Variants in TPR observed in about 807,000 individuals in gnomAD.
TPR encodes the protein translocated promoter region, nuclear basket protein.
TPR carries 51 observed loss-of-function variants against 316.1 expected under a neutral mutation model. That is an observed-to-expected ratio of 0.16 (90% CI 0.13 to 0.20). The LOEUF (loss-of-function observed/expected upper bound fraction) is 0.20. TPR is among the 10% of genes least tolerant of loss of function. TPR has a pLI of 1.00. For synonymous variants in TPR, 981 were observed against 914.7 expected (o/e 1.07, Z -1.31); for missense variants, 2,272 against 2,754.8 (o/e 0.82, Z 3.92).
At chr1:186,351,533 T>G (rs1268925707) in intron 19 of TPR, 63 bp from the exon 20 acceptor site, 1 of 1,483,186 alleles carries the variant, frequency 6.7e-7, no homozygotes, top group East Asian at 2.4e-5. Flanking sequence ...AAATAAAAAT[T>G]GAAGGCAAGA....
intron 20 of TPR, among the ~76,000 whole-genome samples, chr1:186,350,851 A>G (rs1457863343): frequency 6.6e-6 from 1 of 152,204 alleles, no homozygotes; most frequent in Non-Finnish European, 1.5e-5. Context: ...TACCCCAGAC[A>G]GGGGAAGAAT....
At chr1:186,320,173 C>T (rs1460523373) in intron 46 of TPR, 139 bp downstream of exon 46, 2 of 712,020 alleles carry the variant, frequency 2.8e-6, no homozygotes, top group Non-Finnish European at 4.4e-6. Context: ...TATACTACAG[C>T]ATTTAAAAAA....
intron 22 of TPR, among the ~76,000 whole-genome samples, 183 bp downstream of exon 22, chr1:186,347,108 TG>T (rs1341386061): frequency 6.6e-6 from 1 of 152,206 alleles, no homozygotes; most frequent in East Asian, 1.9e-4. Flanking sequence ...ATAACCTCCT[TG>T]CTTCATGAAT....
At position 186,344,432 on chromosome 1, in the gene TPR, T is replaced by C. The variant is rs1181366066; in HGVS notation, c.3360A>G (p.Ala1120=). The C allele has an allele frequency of 6.2e-7, 1 of 1,614,180 alleles. No homozygotes were observed. The highest frequency in any genetic ancestry group is 1.1e-5 in the South Asian group (1 of 91,074). The change falls in exon 25 of 51, where the codon GCA becomes GCG. Residue 1120 remains alanine, a synonymous_variant. Transcript: ENST00000367478. ...RQHLEETTQK[A]ESQLLECKAS... ...CTTTACACTCCAACAACTGTGATTC[T>C]GCTTTCTGTGTTGTTTCTTCCAAAT...
At chr1:186,363,206 A>G in intron 5 of TPR, 136 bp downstream of exon 5, 1 of 964,962 alleles carries the variant, frequency 1.0e-6, no homozygotes, top group Non-Finnish European at 1.5e-6. Flanking sequence ...GAATTGTCCT[A>G]ATGCTTAATT....
chr1:186,332,289 T>A lies in TPR; in HGVS notation c.5510A>T (p.Asp1837Val). 3 of 1,612,916 alleles carry A rather than the reference T, an allele frequency of 1.9e-6. No homozygotes were observed. Among genetic ancestry groups the A allele is most frequent in the Non-Finnish European group, 1.7e-6 (2 of 1,179,364 alleles). ...LPKRTREEEEDSTIEASDQVS... is the reference protein window; with the variant it reads ...LPKRTREEEEVSTIEASDQVS... Reference sequence around the variant, plus strand: ...TTGGTCTGATGCTTCTATGGTGCTATCCTCTTCCTCTTCACGTGTACGCTT... The same window carrying A: ...TTGGTCTGATGCTTCTATGGTGCTAACCTCTTCCTCTTCACGTGTACGCTT... Residue 1837 changes from aspartate to valine, a missense_variant, in exon 38 of 51, where the codon GAT (aspartate) becomes GTT (valine). Coordinates refer to ENST00000367478, the MANE Select transcript of TPR (RefSeq NM_003292.3).
chr1:186,322,809 A>T, intron 43 of TPR: 2 of 516,902 alleles, frequency 3.9e-6, no homozygotes, highest in Middle Eastern at 5.3e-4. Context: ...TCTATTAACC[A>T]ACAGACCAAT....
chr1:186,365,535 T>C (rs1418010146), intron 4 of TPR, among the ~76,000 whole-genome samples: 2 of 152,142 alleles, frequency 1.3e-5, no homozygotes, highest in Non-Finnish European at 2.9e-5. Context: ...TCAGGAGTCA[T>C]AAGGACCTTT....
intron 38 of TPR, 81 bp from the exon 39 acceptor site, chr1:186,331,662 G>GA (rs1324477805): frequency 8.3e-6 from 7 of 848,460 alleles, no homozygotes; most frequent in Non-Finnish European, 1.2e-5. Flanking sequence ...TCTCTCATTT[G>GA]AAAAAACCCT....
chr1:186,366,873 C>T (rs1047166930), intron 4 of TPR, among the ~76,000 whole-genome samples: 2 of 151,648 alleles, frequency 1.3e-5, no homozygotes, highest in Non-Finnish European at 1.5e-5. Context: ...TTTATGAATT[C>T]GTTTAGTTGT....
chr1:186,354,542 A>G (rs966344428), intron 17 of TPR, among the ~76,000 whole-genome samples: 16 of 152,206 alleles, frequency 1.1e-4, no homozygotes, highest in African/African-American at 1.9e-4. Flanking sequence ...TATTAGATGT[A>G]TAGGGGTAAC....
chr1:186,344,654 A>G, intron 24 of TPR, 76 bp from the exon 25 acceptor site: 1 of 1,106,026 alleles, frequency 9.0e-7, no homozygotes, highest in Non-Finnish European at 1.2e-6. Flanking sequence ...CCAAAGATAC[A>G]CATTGGACTT....
Position 186,312,522 on chromosome 1 carries a change from G to A in TPR, c.*1449C>T. 1.1e-6 allele frequency: 1 copy of A among 869,854 alleles called. No homozygotes were observed. The highest frequency in any genetic ancestry group is 2.6e-5 in the East Asian group (1 of 38,360). The allele number at this position is 869,854 out of a possible 1,614,324, so 53.9% of individuals were successfully genotyped here. On this transcript the variant is annotated 3_prime_UTR_variant, in exon 51 of 51. Transcript: ENST00000367478. ...GAAAAACTCATCCACTTGCCTTAGT[G>A]AATAACCAAAGACCAATACTTTCTT...
intron 12 of TPR, among the ~76,000 whole-genome samples, chr1:186,359,595 T>C (rs1173287735): frequency 2.0e-5 from 3 of 152,062 alleles, no homozygotes; most frequent in Non-Finnish European, 4.4e-5. Context: ...TTTCACAATT[T>C]TATATAAAAA....
intron 35 of TPR, among the ~76,000 whole-genome samples, chr1:186,334,854 C>T (rs954750356): frequency 5.3e-5 from 8 of 152,208 alleles, no homozygotes; most frequent in Admixed American, 1.3e-4. Flanking sequence ...AGATGAGAGA[C>T]GTTTTCTCTG....
intron 24 of TPR, among the ~76,000 whole-genome samples, 200 bp from the exon 25 acceptor site, chr1:186,344,778 C>T (rs921336954): frequency 6.6e-6 from 1 of 152,058 alleles, no homozygotes; most frequent in African/African-American, 2.4e-5. Context: ...CTTAGAAGAC[C>T]AGCAATTTGG....
intron 2 of TPR, 54 bp downstream of exon 2, chr1:186,373,303 GTC>G: frequency 8.1e-7 from 1 of 1,239,338 alleles, no homozygotes; most frequent in East Asian, 2.4e-5. Context: ...ATATAAAGGA[GTC>G]TCTGAAGATT....
At chr1:186,353,341 C>A (rs1658927367) in intron 18 of TPR, among the ~76,000 whole-genome samples, 1 of 150,598 alleles carries the variant, frequency 6.6e-6, no homozygotes, top group Non-Finnish European at 1.5e-5. Flanking sequence ...CACTGCACTC[C>A]AGCCTGGGCG....
chr1:186,320,274 C>T (rs1557984711), intron 46 of TPR, 38 bp downstream of exon 46: 1 of 1,530,646 alleles, frequency 6.5e-7, no homozygotes, highest in East Asian at 2.3e-5. Context: ...TTACCAAATA[C>T]ATACAAATTC....
Sources: allele counts gnomAD v4.1 joint callset (sites outside exome capture counted in the v4.1 genomes callset), GRCh38; gene constraint gnomAD v4.1.1; transcripts MANE v1.5; gene names NCBI Gene and HGNC (gene_info 2026-07-23, HGNC 2026-07-21).